KCNC1: variants seen among roughly 807,000 people sequenced by gnomAD.
The protein encoded by KCNC1 is potassium voltage-gated channel subfamily C member 1.
KCNC1 carries 8 observed loss-of-function variants against 43.4 expected under a neutral mutation model. The observed-to-expected ratio is 0.18, with a 90% CI of 0.11 to 0.33. The LOEUF (loss-of-function observed/expected upper bound fraction) is 0.33. KCNC1 is among the 10% of genes least tolerant of loss of function. The pLI is 1.00. For synonymous variants in KCNC1, 361 were observed against 360.5 expected (o/e 1.00, Z -0.01); for missense variants, 420 against 836.0 (o/e 0.50, Z 6.14).
In KCNC1 at chr11:17,781,747, G is replaced by T. The variant is rs1186051019; in HGVS notation, c.*13G>T. On this transcript the variant is annotated 3_prime_UTR_variant, in exon 4 of 4. Coordinates refer to ENST00000265969, the MANE Select transcript of KCNC1 (RefSeq NM_001112741.2). This position sits in a 1 kb window ranked among gnomAD's most constrained non-coding sequence, Gnocchi z 5.1. ...GAGAGTGACTTGACCAGGCGGCTTG[G>T]CCGAGGACACTGGTGGCTATTAAGC... 3 of 1,545,882 alleles carry T rather than the reference G, an allele frequency of 1.9e-6. No homozygotes were observed. The East Asian group carries it at 7.3e-5, about 38-fold the overall frequency.
intron 2 of KCNC1, chr11:17,774,984 A>G: frequency 1.0e-6 from 1 of 984,990 alleles, no homozygotes; most frequent in Non-Finnish European, 1.2e-6. Context: ...CGTTGTCCCC[A>G]CCTCTGCACC....
chr11:17,738,560 G>T lies in KCNC1; in HGVS notation c.570+1988G>T, dbSNP rs1848797561. ...ACTCAGTGTTGGGGCTCTGATCAGT[G>T]TCCTGAGTTTCAGGGCAGGCAGGGG... On this transcript the variant is annotated intron_variant, in intron 1 of 3. Transcript: ENST00000265969. Among the ~76,000 whole-genome samples, 3 of 152,146 alleles carry T rather than the reference G, an allele frequency of 2.0e-5. No individual in the cohort carries two copies. In the South Asian group the frequency reaches 6.2e-4, roughly 32 times the overall value.
chr11:17,749,866 A>T (rs115348460), intron 1 of KCNC1, among the ~76,000 whole-genome samples: 1 of 152,220 alleles, frequency 6.6e-6, no homozygotes, highest in African/African-American at 2.4e-5. Context: ...AGTGTGCATA[A>T]TGGCATCACC....
At chr11:17,756,895 A>C (rs1224909883) in intron 1 of KCNC1, among the ~76,000 whole-genome samples, 2 of 152,230 alleles carry the variant, frequency 1.3e-5, no homozygotes, top group East Asian at 3.8e-4. Context: ...TATAAGTGGA[A>C]GTAATAGAGC....
At chr11:17,769,265 C>G (rs1430364824) in intron 1 of KCNC1, among the ~76,000 whole-genome samples, 2 of 151,990 alleles carry the variant, frequency 1.3e-5, no homozygotes, top group East Asian at 3.9e-4. Flanking sequence ...AACTCTGTGC[C>G]AGGCAGAACT....
chr11:17,774,556 T>G (rs1249085872), intron 2 of KCNC1: 2 of 985,640 alleles, frequency 2.0e-6, no homozygotes, highest in Non-Finnish European at 2.4e-6. Context: ...TGTTCAGACA[T>G]GCACACCAGC....
At chr11:17,764,033 G>T (rs867520110) in intron 1 of KCNC1, among the ~76,000 whole-genome samples, 1 of 64,102 alleles carries the variant, frequency 1.6e-5, no homozygotes, top group African/African-American at 6.7e-5. Context: ...ACATATACAC[G>T]CCCACACACA....
Position 17,742,510 on chromosome 11 carries a change from G to A in KCNC1, c.570+5938G>A, listed in dbSNP as rs954203648. On this transcript the variant is annotated intron_variant, in intron 1 of 3. Transcript: ENST00000265969. This position sits in a 1 kb window ranked among gnomAD's most constrained non-coding sequence, Gnocchi z 4.2. ...GCCACTGCCTCCCATCAGCTCTGGG[G>A]CCAGCCTGGCTACCACCCCAGCGTG... Among the ~76,000 whole-genome samples, 1 of 152,224 alleles carries A rather than the reference G, an allele frequency of 6.6e-6. No homozygotes were observed. Among genetic ancestry groups the A allele is most frequent in the African/African-American group, 2.4e-5 (1 of 41,448 alleles).
Position 17,742,873 on chromosome 11 carries a change from T to A in KCNC1, c.570+6301T>A, listed in dbSNP as rs1028367654. Among the ~76,000 whole-genome samples, 6 of 152,184 alleles carry A rather than the reference T, an allele frequency of 3.9e-5. No individual in the cohort carries two copies. Among genetic ancestry groups the A allele is most frequent in the Non-Finnish European group, 8.8e-5 (6 of 68,036 alleles). ...TTTTACAAGAACACCAAACCCCACCTGGGCGTGCTGTTCTTCTCTTATCTA... is the reference window on the plus strand; with the variant it reads ...TTTTACAAGAACACCAAACCCCACCAGGGCGTGCTGTTCTTCTCTTATCTA... On this transcript the variant is annotated intron_variant, in intron 1 of 3. Transcript: ENST00000265969. The surrounding 1 kb of genome is among the most constrained non-coding windows in gnomAD (Gnocchi z 4.2).
intron 1 of KCNC1, among the ~76,000 whole-genome samples, chr11:17,746,402 A>G (rs1024564390): frequency 2.6e-5 from 4 of 152,296 alleles, no homozygotes; most frequent in African/African-American, 9.6e-5. Flanking sequence ...TTCCAAAACC[A>G]AGATGCACAA....
At chr11:17,740,369 A>G (rs1273284693) in intron 1 of KCNC1, among the ~76,000 whole-genome samples, 1 of 152,176 alleles carries the variant, frequency 6.6e-6, no homozygotes, top group Non-Finnish European at 1.5e-5. Context: ...CATGAGAATA[A>G]GAACTGCCCC....
chr11:17,737,826 G>A (rs976248631), intron 1 of KCNC1, among the ~76,000 whole-genome samples: 1 of 152,160 alleles, frequency 6.6e-6, no homozygotes. Flanking sequence ...CCCCTCCTGC[G>A]CACTGGAGCC....
chr11:17,745,885 C>G (rs1037994148), intron 1 of KCNC1, among the ~76,000 whole-genome samples: 13 of 152,182 alleles, frequency 8.5e-5, no homozygotes, highest in African/African-American at 2.7e-4. Flanking sequence ...TTGGCATTAA[C>G]CACCATCTGA....
intron 2 of KCNC1, chr11:17,775,212 G>C (rs1317932580): frequency 3.0e-6 from 3 of 985,486 alleles, no homozygotes; most frequent in Admixed American, 1.2e-4. Context: ...GCCAAAACCT[G>C]AGCTTCTCCA....
At chr11:17,767,540 C>G (rs1334571489) in intron 1 of KCNC1, among the ~76,000 whole-genome samples, 1 of 152,170 alleles carries the variant, frequency 6.6e-6, no homozygotes, top group East Asian at 1.9e-4. Flanking sequence ...ACACAAGGGA[C>G]CTGGGGCTTC....
At position 17,776,807 on chromosome 11, in the gene KCNC1, G is replaced by A. The variant is rs73424035; in HGVS notation, c.1505-2649G>A. 745 of 985,462 alleles carry A rather than the reference G, an allele frequency of 7.6e-4. 2 individuals carry two copies. In the African/African-American group the frequency reaches 0.012, roughly 15 times the overall value. The allele number at this position is 985,462 out of a possible 1,614,324, so 61.0% of individuals were successfully genotyped here. On this transcript the variant is annotated intron_variant, in intron 2 of 3. Coordinates refer to ENST00000265969, the MANE Select transcript of KCNC1 (RefSeq NM_001112741.2). This position sits in a 1 kb window ranked among gnomAD's most constrained non-coding sequence, Gnocchi z 4.4. ...CCCAGATTTATACAGTTGGCCCCTC[G>A]TTGGTTTCTCTTTCTTCAAGCCACC...
At chr11:17,743,544 C>A (rs1043832444) in intron 1 of KCNC1, among the ~76,000 whole-genome samples, 2 of 152,234 alleles carry the variant, frequency 1.3e-5, no homozygotes, top group Non-Finnish European at 2.9e-5. Flanking sequence ...ATTGTCCCCC[C>A]ACTCCCATCC....
Position 17,736,095 on chromosome 11 carries a change from C to T in KCNC1, c.93C>T (p.Gly31=). Residue 31 remains glycine, a synonymous_variant, in exon 1 of 4, where the codon GGC becomes GGT. Coordinates refer to ENST00000265969, the MANE Select transcript of KCNC1 (RefSeq NM_001112741.2). This position sits in a 1 kb window ranked among gnomAD's most constrained non-coding sequence, Gnocchi z 9.3. ...GCTCGACCCTGCGCACGCTGCCCGG[C>T]ACGCGGCTCGCCTGGCTGGCGGAGC... ...TYRSTLRTLP[G]TRLAWLAEPD... The T allele has an allele frequency of 6.2e-7, 1 of 1,608,310 alleles. No homozygotes were observed. The highest frequency in any genetic ancestry group is 2.2e-5 in the East Asian group (1 of 44,650).
intron 1 of KCNC1, among the ~76,000 whole-genome samples, chr11:17,759,843 G>C (rs1171382743): frequency 6.6e-6 from 1 of 152,174 alleles, no homozygotes; most frequent in African/African-American, 2.4e-5. Flanking sequence ...TTGAAATATT[G>C]CTAGAATAAC....
Sources: allele counts gnomAD v4.1 joint callset (sites outside exome capture counted in the v4.1 genomes callset), GRCh38; gene constraint gnomAD v4.1.1; non-coding constraint Gnocchi (gnomAD v3.1); transcripts MANE v1.5; gene names NCBI Gene and HGNC (gene_info 2026-07-23, HGNC 2026-07-21).